Variants in XRCC2 observed in about 807,000 individuals in gnomAD.
XRCC2 encodes the protein DNA repair protein XRCC2.
A neutral mutation model predicts 27.3 loss-of-function variants in XRCC2; 24 were observed. The observed-to-expected ratio is 0.88, with a 90% CI of 0.64 to 1.24. The LOEUF (loss-of-function observed/expected upper bound fraction) is 1.24. Ranked by LOEUF, XRCC2 falls within the 50% of genes most tolerant of loss-of-function variation. The pLI is 0.00. For missense variants in XRCC2, 321 were observed against 325.8 expected (o/e 0.99, Z 0.11); for synonymous variants, 106 against 115.4 (o/e 0.92, Z 0.52).
At chr7:152,666,763 G>A (rs551236957) in intron 1 of XRCC2, among the ~76,000 whole-genome samples, 6 of 151,776 alleles carry the variant, frequency 4.0e-5, no homozygotes, top group Admixed American at 1.3e-4. Context: ...AATTACAGGC[G>A]TGTGCCACCA....
At chr7:152,658,533 A>G (rs189546479) in intron 2 of XRCC2, among the ~76,000 whole-genome samples, 173 of 152,340 alleles carry the variant, frequency 1.1e-3, no homozygotes, top group African/African-American at 3.8e-3. Flanking sequence ...GCAGAACTCC[A>G]CAACTTTTCC....
chr7:152,674,228 C>G (rs1305693018), intron 1 of XRCC2, among the ~76,000 whole-genome samples: 1 of 152,190 alleles, frequency 6.6e-6, no homozygotes, highest in Admixed American at 6.5e-5. Context: ...TGTTCCATGA[C>G]TTAACTGTGC....
chr7:152,663,047 G>A (rs998938645), intron 1 of XRCC2, among the ~76,000 whole-genome samples: 1 of 152,056 alleles, frequency 6.6e-6, no homozygotes, highest in Non-Finnish European at 1.5e-5. Flanking sequence ...CAAAGAATGT[G>A]CAGTCTCAGT....
chr7:152,650,104 G>T lies in XRCC2; in HGVS notation c.122-741C>A, dbSNP rs3218530. 1.2e-3 allele frequency among the ~76,000 whole-genome samples: 189 copies of T among 152,328 alleles called. 1 individual carries two copies. The highest frequency in any genetic ancestry group is 4.3e-3 in the African/African-American group (180 of 41,570). On this transcript the variant is annotated intron_variant, in intron 2 of 2. Coordinates refer to ENST00000359321, the MANE Select transcript of XRCC2 (RefSeq NM_005431.2). Reference sequence around the variant, plus strand: ...TAAGTTGGACTTCTATGACACGCAGGTGAAGGCACTCCCTAATTAGGTTTC... The same window carrying T: ...TAAGTTGGACTTCTATGACACGCAGTTGAAGGCACTCCCTAATTAGGTTTC...
chr7:152,669,697 C>A (rs1471400772), intron 1 of XRCC2, among the ~76,000 whole-genome samples: 1 of 151,986 alleles, frequency 6.6e-6, no homozygotes, highest in African/African-American at 2.4e-5. Context: ...GCCACCATGC[C>A]TGGCCACTTA....
At chr7:152,655,699 T>A (rs1239976310) in intron 2 of XRCC2, among the ~76,000 whole-genome samples, 2 of 151,012 alleles carry the variant, frequency 1.3e-5, no homozygotes, top group Admixed American at 6.6e-5. Context: ...GCAACAAGAG[T>A]GAGACCCTGT....
chr7:152,649,492 C>CA, intron 2 of XRCC2, 129 bp from the exon 3 acceptor site: 1 of 1,158,178 alleles, frequency 8.6e-7, no homozygotes, highest in Admixed American at 2.9e-5. Flanking sequence ...TCACTTTTGC[C>CA]AAAATGGAGC....
chr7:152,665,148 A>G (rs2098035019), intron 1 of XRCC2, among the ~76,000 whole-genome samples: 1 of 152,130 alleles, frequency 6.6e-6, no homozygotes. Context: ...AGGGGCATTC[A>G]ATATTTCAAG....
chr7:152,669,017 C>T (rs1485118891), intron 1 of XRCC2, among the ~76,000 whole-genome samples: 1 of 152,172 alleles, frequency 6.6e-6, no homozygotes, highest in East Asian at 1.9e-4. Context: ...CTATGCTATA[C>T]AACCTCAGTA....
intron 1 of XRCC2, among the ~76,000 whole-genome samples, chr7:152,662,217 CG>C (rs2098033418): frequency 6.6e-6 from 1 of 152,096 alleles, no homozygotes; most frequent in African/African-American, 2.4e-5. Context: ...CCGCTCCCAT[CG>C]GCCTCCCAAT....
chr7:152,664,670 A>G (rs1283494804), intron 1 of XRCC2, among the ~76,000 whole-genome samples: 2 of 152,138 alleles, frequency 1.3e-5, no homozygotes, highest in East Asian at 1.9e-4. Flanking sequence ...CTGGTTCTCC[A>G]GCTTGCAGAT....
chr7:152,673,275 C>T (rs1480449263), intron 1 of XRCC2, among the ~76,000 whole-genome samples: 1 of 152,046 alleles, frequency 6.6e-6, no homozygotes, highest in Non-Finnish European at 1.5e-5. Flanking sequence ...CCCCGCCTCC[C>T]GGGTTCAAGC....
chr7:152,649,600 A>C (rs1176744808), intron 2 of XRCC2, among the ~76,000 whole-genome samples: 1 of 152,152 alleles, frequency 6.6e-6, no homozygotes, highest in Admixed American at 6.6e-5. Context: ...ATGCACTCCC[A>C]CTTCAATTTG....
chr7:152,649,525 A>T (rs1204056259), intron 2 of XRCC2, among the ~76,000 whole-genome samples, 162 bp from the exon 3 acceptor site: 7 of 152,134 alleles, frequency 4.6e-5, no homozygotes, highest in African/African-American at 1.7e-4. Context: ...TACAATAAAT[A>T]AGGAAATTAG....
At chr7:152,674,703 A>ATTATAT (rs1563035228) in intron 1 of XRCC2, among the ~76,000 whole-genome samples, 2 of 97,364 alleles carry the variant, frequency 2.1e-5, no homozygotes, top group Non-Finnish European at 3.6e-5. Flanking sequence ...TTAAATATAT[A>ATTATAT]TTTATATAAT....
At chr7:152,665,239 A>G (rs887799437) in intron 1 of XRCC2, among the ~76,000 whole-genome samples, 1 of 152,146 alleles carries the variant, frequency 6.6e-6, no homozygotes, top group Non-Finnish European at 1.5e-5. Context: ...GTCTTGGCTG[A>G]ATTCTTTCTT....
At chr7:152,667,402 T>A in intron 1 of XRCC2, among the ~76,000 whole-genome samples, 1 of 41,906 alleles carries the variant, frequency 2.4e-5, no homozygotes, top group Admixed American at 2.5e-4. Flanking sequence ...CAAAACTCCG[T>A]CTCAAAAAAA....
At chr7:152,673,694 G>A (rs774922424) in intron 1 of XRCC2, among the ~76,000 whole-genome samples, 3 of 151,798 alleles carry the variant, frequency 2.0e-5, no homozygotes, top group East Asian at 1.9e-4. Context: ...AGTGAAACCC[G>A]GTCTCTGCTA....
chr7:152,667,957 G>A (rs1381260994), intron 1 of XRCC2, among the ~76,000 whole-genome samples: 2 of 149,850 alleles, frequency 1.3e-5, no homozygotes, highest in East Asian at 2.0e-4. Flanking sequence ...GAACCCAGAA[G>A]GTGGAGGTTG....
Sources: gnomAD v4.1 joint callset for allele counts (sites outside exome capture counted in the v4.1 genomes callset) on GRCh38, gnomAD v4.1.1 for gene constraint, MANE v1.5 for transcripts, NCBI Gene and HGNC (gene_info 2026-07-23, HGNC 2026-07-21) for gene names.